Variants in AFG2A observed in about 807,000 individuals in gnomAD.
The protein encoded by AFG2A is AAA ATPase AFG2A.
chr4:123,234,324 C>T, the AFG2A span, among the ~76,000 whole-genome samples: 6 of 152,206 alleles, frequency 3.9e-5, no homozygotes, highest in African/African-American at 1.4e-4. Flanking sequence ...AATTACTTAA[C>T]GTCTTCAAGC....
the AFG2A span, among the ~76,000 whole-genome samples, chr4:123,135,297 C>T: frequency 2.6e-5 from 4 of 152,196 alleles, no homozygotes; most frequent in African/African-American, 9.7e-5. Context: ...CTGCAGCTAA[C>T]AGCATACTCA....
chr4:123,009,294 G>A, the AFG2A span, among the ~76,000 whole-genome samples: 2 of 152,282 alleles, frequency 1.3e-5, no homozygotes, highest in Non-Finnish European at 1.5e-5. Flanking sequence ...GGTTAGTCAC[G>A]TTGGTATACT....
the AFG2A span, among the ~76,000 whole-genome samples, chr4:123,224,484 G>C: frequency 1.3e-5 from 2 of 151,986 alleles, no homozygotes; most frequent in African/African-American, 4.8e-5. Context: ...CCTTGCGATA[G>C]TTTGCTGAGA....
At chr4:122,933,419 C>T in the AFG2A span, 1 of 1,604,616 alleles carries the variant, frequency 6.2e-7, no homozygotes. Context: ...GATTTCTGTT[C>T]CCTTCTTATC....
the AFG2A span, among the ~76,000 whole-genome samples, chr4:123,179,315 T>TTACG: frequency 8.5e-6 from 1 of 117,454 alleles, no homozygotes; most frequent in African/African-American, 5.5e-5. Context: ...TACTACTTAC[T>TTACG]TACTTACTTA....
chr4:123,028,411 T>G, the AFG2A span: 1 of 1,609,220 alleles, frequency 6.2e-7, no homozygotes, highest in Non-Finnish European at 8.5e-7. Context: ...GTGTTAAATT[T>G]TTTAATCGCT....
the AFG2A span, among the ~76,000 whole-genome samples, chr4:123,033,627 G>A: frequency 6.6e-6 from 1 of 152,180 alleles, no homozygotes; most frequent in Admixed American, 6.5e-5. Flanking sequence ...GAAAAAGACT[G>A]ATGGTGGGAT....
At chr4:123,163,592 G>A in the AFG2A span, among the ~76,000 whole-genome samples, 1 of 152,180 alleles carries the variant, frequency 6.6e-6, no homozygotes, top group Non-Finnish European at 1.5e-5. Flanking sequence ...CCAAATATAT[G>A]AACAGGCTGT....
the AFG2A span, among the ~76,000 whole-genome samples, chr4:123,085,332 G>T: frequency 5.3e-5 from 8 of 152,234 alleles, no homozygotes; most frequent in East Asian, 7.7e-4. Flanking sequence ...GTATTCATCT[G>T]CTTCTCCTTA....
the AFG2A span, among the ~76,000 whole-genome samples, chr4:123,016,963 A>G: frequency 6.6e-6 from 1 of 152,166 alleles, no homozygotes; most frequent in Non-Finnish European, 1.5e-5. Context: ...CCACCAAAAA[A>G]ATACGAAAAC....
chr4:122,954,190 C>G, the AFG2A span, among the ~76,000 whole-genome samples: 5 of 152,126 alleles, frequency 3.3e-5, no homozygotes, highest in African/African-American at 1.2e-4. Context: ...GAGGTGCTGC[C>G]TCAGGGCTGG....
the AFG2A span, among the ~76,000 whole-genome samples, chr4:122,954,043 A>T: frequency 1.3e-5 from 2 of 152,280 alleles, no homozygotes; most frequent in Non-Finnish European, 2.9e-5. Flanking sequence ...TTTCCAGATG[A>T]TGTCCTGCAA....
the AFG2A span, among the ~76,000 whole-genome samples, chr4:123,171,460 A>G: frequency 2.6e-5 from 4 of 152,206 alleles, no homozygotes; most frequent in African/African-American, 9.6e-5. Context: ...ACTAAAAAAC[A>G]TACATACACT....
chr4:123,017,449 G>C, the AFG2A span, among the ~76,000 whole-genome samples: 4 of 23,190 alleles, frequency 1.7e-4, no homozygotes, highest in Non-Finnish European at 1.8e-4. Flanking sequence ...TTTTTTTTTT[G>C]CTTTTCACTA....
chr4:123,152,743 G>A, the AFG2A span, among the ~76,000 whole-genome samples: 1 of 152,170 alleles, frequency 6.6e-6, no homozygotes, highest in Admixed American at 6.5e-5. Flanking sequence ...TCCAACAGTT[G>A]CGCTCCTTGG....
the AFG2A span, among the ~76,000 whole-genome samples, chr4:123,139,495 G>T: frequency 6.6e-6 from 1 of 151,596 alleles, no homozygotes; most frequent in South Asian, 2.1e-4. Context: ...TGATCCATCT[G>T]TCAGTTAGAA....
chr4:123,115,014 G>A, the AFG2A span, among the ~76,000 whole-genome samples: 1 of 152,178 alleles, frequency 6.6e-6, no homozygotes, highest in Non-Finnish European at 1.5e-5. Context: ...GGTGGAGGTG[G>A]CACAGTCCAC....
At chr4:123,265,340 A>G in the AFG2A span, among the ~76,000 whole-genome samples, 1 of 152,154 alleles carries the variant, frequency 6.6e-6, no homozygotes, top group African/African-American at 2.4e-5. Context: ...TTGGGAAAAT[A>G]AATGAAGGTT....
chr4:123,178,077 GA>G, the AFG2A span, among the ~76,000 whole-genome samples: 1 of 152,146 alleles, frequency 6.6e-6, no homozygotes, highest in African/African-American at 2.4e-5. Context: ...AATACAGGAG[GA>G]AATACAAGAC....
Sources: allele counts gnomAD v4.1 joint callset (sites outside exome capture counted in the v4.1 genomes callset), GRCh38; gene constraint gnomAD v4.1.1; transcripts MANE v1.5; gene names NCBI Gene and HGNC (gene_info 2026-07-23, HGNC 2026-07-21).